BLNK: variants seen among roughly 807,000 people sequenced by gnomAD.
The protein encoded by BLNK is B-cell linker protein.
Under a neutral mutation model 73.5 loss-of-function variants are expected in BLNK, and 29 were observed. The ratio of observed to expected loss-of-function variants is 0.39; its 90% CI spans 0.29 to 0.54. The LOEUF (loss-of-function observed/expected upper bound fraction) is 0.54, where lower values mean the gene tolerates loss of function less well. Ranked by LOEUF, BLNK falls within the 20% of genes least tolerant of loss-of-function variation. BLNK has a pLI of 0.61. For synonymous variants in BLNK, 176 were observed against 200.8 expected, an observed-to-expected ratio of 0.88 and a Z score of 1.04; for missense variants, 460 against 562.8, an observed-to-expected ratio of 0.82 and a Z score of 1.85.
At chr10:96,226,878 T>C (rs1270533879) in intron 5 of BLNK, among the ~76,000 whole-genome samples, 2 of 151,460 alleles carry the variant, frequency 1.3e-5, no homozygotes, top group Non-Finnish European at 2.9e-5. Context: ...ACCCAAGCTG[T>C]GTCCATTTAA....
chr10:96,212,173 G>A (rs587610684), intron 8 of BLNK, among the ~76,000 whole-genome samples: 3 of 152,184 alleles, frequency 2.0e-5, no homozygotes, highest in Admixed American at 1.3e-4. Flanking sequence ...ACACTGTCAC[G>A]GAGGACACTG....
At chr10:96,225,231 C>T (rs1277649506) in intron 5 of BLNK, among the ~76,000 whole-genome samples, 1 of 152,194 alleles carries the variant, frequency 6.6e-6, no homozygotes, top group African/African-American at 2.4e-5. Context: ...ATAGGAATAA[C>T]CTGGCATGTT....
chr10:96,201,738 G>GCATTCATT (rs59428057), intron 13 of BLNK, among the ~76,000 whole-genome samples: 8,874 of 138,654 alleles, frequency 0.064, 302 homozygotes, highest in Non-Finnish European at 0.079. Flanking sequence ...AGACTTATCT[G>GCATTCATT]CATTCATTCA....
intron 3 of BLNK, among the ~76,000 whole-genome samples, chr10:96,236,977 G>C (rs2134063368): frequency 6.6e-6 from 1 of 152,318 alleles, no homozygotes; most frequent in South Asian, 2.1e-4. Context: ...ATGACCTCAG[G>C]AGTCACTTTG....
At chr10:96,243,629 C>T (rs1554906837) in intron 2 of BLNK, among the ~76,000 whole-genome samples, 1 of 152,144 alleles carries the variant, frequency 6.6e-6, no homozygotes, top group Non-Finnish European at 1.5e-5. Flanking sequence ...TAGTATTCAA[C>T]TTGTTTTAAG....
Position 96,200,146 on chromosome 10 carries a change from G to A in BLNK, c.1024C>T (p.Leu342Phe), listed in dbSNP as rs1554895734. The change falls in exon 15 of 17, where the codon CTC becomes TTC. Residue 342 changes from leucine to phenylalanine, a missense_variant. By Grantham distance (22) the Leu-to-Phe change is conservative. Transcript: ENST00000224337. This position sits in a 1 kb window ranked among gnomAD's most constrained non-coding sequence, Gnocchi z 4.3. ...STISEQEAGV[L>F]CKPWYAGACD... is the part of the protein sequence containing the mutation. ...GCTCCAGCATACCATGGCTTGCAGA[G>A]AACGCCAGCTTCCTGTGAAATGGAG... is the stretch of plus-strand genomic sequence containing the variant. 1.2e-6 allele frequency: 2 copies of A among 1,613,960 alleles called. No homozygotes were observed. Among genetic ancestry groups the A allele is most frequent in the African/African-American group, 2.7e-5 (2 of 74,916 alleles).
At chr10:96,207,078 G>C in intron 10 of BLNK, 25 bp from the exon 11 acceptor site, 3 of 1,600,912 alleles carry the variant, frequency 1.9e-6, no homozygotes, top group Non-Finnish European at 2.6e-6. Context: ...AAAAGGCAAG[G>C]TTATTCAATA....
intron 8 of BLNK, 168 bp from the exon 9 acceptor site, chr10:96,210,075 C>G: frequency 1.4e-6 from 1 of 727,424 alleles, no homozygotes; most frequent in Non-Finnish European, 2.4e-6. Flanking sequence ...AACTTGTGGG[C>G]AAAGGTGATG....
Position 96,204,043 on chromosome 10 carries a change from T to A in BLNK, c.934+14A>T, listed in dbSNP as rs782084331. The A allele has an allele frequency of 6.2e-6, 10 of 1,610,940 alleles. No homozygotes were observed. In the Admixed American group the frequency reaches 1.7e-4, roughly 27 times the overall value. On this transcript the variant is annotated intron_variant, in intron 13 of 16. Coordinates refer to ENST00000224337, the MANE Select transcript of BLNK (RefSeq NM_013314.4). ...ACCACTCCCTGATACACTACATGGC[T>A]TCGTTGTACTTACTTGGCAGAGGTA...
rs2083323600 is a variant in BLNK, at chr10:96,191,232, C to CCT, written c.*739_*740dup. ...CATGTGGAACTGTGAGTCCATTAAA[C>CCT]CTCTTTTTTTTTTTTTTTTTTTATG... On this transcript the variant is annotated 3_prime_UTR_variant, in exon 17 of 17. Coordinates refer to ENST00000224337, the MANE Select transcript of BLNK (RefSeq NM_013314.4). Among the ~76,000 whole-genome samples the CCT allele has an allele frequency of 8.2e-6, 1 of 122,266 alleles. No homozygotes were observed. The highest frequency in any genetic ancestry group is 1.7e-5 in the Non-Finnish European group (1 of 57,912). 80.2% of individuals were successfully genotyped at this position (122,266 alleles called of 152,430 possible).
At chr10:96,221,957 T>C (rs1373899557) in intron 6 of BLNK, among the ~76,000 whole-genome samples, 2 of 152,210 alleles carry the variant, frequency 1.3e-5, no homozygotes, top group African/African-American at 4.8e-5. Flanking sequence ...GAGAGGGGGA[T>C]GCCCTGGGGC....
intron 6 of BLNK, among the ~76,000 whole-genome samples, chr10:96,220,426 C>G (rs139457465): frequency 0.014 from 2,070 of 152,284 alleles, 28 homozygotes; most frequent in Middle Eastern, 0.031. Context: ...TCAACAAATT[C>G]TGTTTGTAGT....
rs2083402713 is a variant in BLNK at position 96,194,284 on chromosome 10, A to C, written c.1252-2192T>G. ...GATGTTAAATGATAATGCGGTCTAC[A>C]TTTTAAAACCAAAGATTGGTCTTGA... On this transcript the variant is annotated intron_variant, in intron 16 of 16. Coordinates refer to ENST00000224337, the MANE Select transcript of BLNK (RefSeq NM_013314.4). Among the ~76,000 whole-genome samples, 3 of 152,360 alleles carry C rather than the reference A, an allele frequency of 2.0e-5. No homozygotes were observed. The South Asian group carries it at 6.2e-4, about 32-fold the overall frequency.
At chr10:96,241,683 C>A (rs6584058) in intron 3 of BLNK, among the ~76,000 whole-genome samples, 132,476 of 151,864 alleles carry the variant, frequency 0.87, 59,261 homozygotes, top group Non-Finnish European at 0.98. Context: ...GGAATTCCAC[C>A]CAACTTTGTG....
In BLNK at chr10:96,227,390, A is replaced by C. The variant is rs781887946; in HGVS notation, c.361+20T>G. The C allele has an allele frequency of 6.2e-7, 1 of 1,611,724 alleles. No homozygotes were observed. The highest frequency in any genetic ancestry group is 8.5e-7 in the Non-Finnish European group (1 of 1,179,310). On this transcript the variant is annotated intron_variant, in intron 5 of 16. Transcript: ENST00000224337. ...CATGGGCCTGGAAGGCCGAGTGCCC[A>C]GGTCTGCGGGGGACCTCACCTATAT...
chr10:96,252,859 G>A (rs781978807), intron 1 of BLNK, among the ~76,000 whole-genome samples: 7 of 152,148 alleles, frequency 4.6e-5, no homozygotes, highest in Non-Finnish European at 7.3e-5. Flanking sequence ...CTAACAGAAT[G>A]CAGTGGCGGT....
At chr10:96,193,120 T>G (rs1455583275) in intron 16 of BLNK, among the ~76,000 whole-genome samples, 1 of 152,220 alleles carries the variant, frequency 6.6e-6, no homozygotes, top group African/African-American at 2.4e-5. Flanking sequence ...GAATATTCAG[T>G]CAGGGAGAGA....
intron 1 of BLNK, among the ~76,000 whole-genome samples, chr10:96,248,666 C>T (rs2134097881): frequency 6.6e-6 from 1 of 152,304 alleles, no homozygotes; most frequent in Non-Finnish European, 1.5e-5. Context: ...TAAGAACTCT[C>T]TAATCTTCTC....
intron 13 of BLNK, among the ~76,000 whole-genome samples, chr10:96,201,492 TA>T (rs2083633174): frequency 6.6e-6 from 1 of 152,222 alleles, no homozygotes; most frequent in Non-Finnish European, 1.5e-5. Context: ...TGTTAACATG[TA>T]ATGAGTTTAA....
Sources: allele counts gnomAD v4.1 joint callset (sites outside exome capture counted in the v4.1 genomes callset), GRCh38; gene constraint gnomAD v4.1.1; non-coding constraint Gnocchi (gnomAD v3.1); transcripts MANE v1.5; gene names NCBI Gene and HGNC (gene_info 2026-07-23, HGNC 2026-07-21).